The following B3GNT5 variants were observed in gnomAD, a reference collection of about 807,000 sequenced individuals.
The protein encoded by B3GNT5 is UDP-GlcNAc:betaGal beta-1,3-N-acetylglucosaminyltransferase 5.
Under a neutral mutation model 25.9 loss-of-function variants are expected in B3GNT5, and 11 were observed. The ratio of observed to expected loss-of-function variants is 0.42; its 90% CI spans 0.27 to 0.70. B3GNT5 has a LOEUF of 0.70. Ranked by LOEUF, B3GNT5 falls within the 30% of genes least tolerant of loss-of-function variation. The probability of loss-of-function intolerance (pLI) is 0.23; values close to 1 mark genes in which losing one functional copy is unlikely to be tolerated. For synonymous variants in B3GNT5, 166 were observed against 158.6 expected (o/e 1.05, Z -0.35); for missense variants, 385 against 458.4 (o/e 0.84, Z 1.46).
rs1726719806 is a variant in B3GNT5, at chr3:183,270,963, T to C, written c.*28T>C. ...GTACTTGAATGTTGTATGTTTTCAC[T>C]GTCACTGAGTCAAACCTGGATGAAA... is the stretch of plus-strand genomic sequence containing the variant. On this transcript the variant is annotated 3_prime_UTR_variant, in exon 2 of 2. Transcript: ENST00000326505. The surrounding 1 kb of genome is among the most constrained non-coding windows in gnomAD (Gnocchi z 4.5). 6.6e-7 allele frequency: 1 copy of C among 1,525,284 alleles called. No homozygotes were observed. The highest frequency in any genetic ancestry group is 8.8e-7 in the Non-Finnish European group (1 of 1,138,064). The allele number at this position is 1,525,284 out of a possible 1,614,324, so 94.5% of individuals were successfully genotyped here.
chr3:183,271,986 G>C lies in B3GNT5; in HGVS notation c.*1051G>C, dbSNP rs1360920530. ...CACAGCACTTTGTTCCAAGTTCAGA[G>C]TTTTAAATTGAGAGCATTAAACATC... On this transcript the variant is annotated 3_prime_UTR_variant, in exon 2 of 2. Transcript: ENST00000326505. 3.4e-6 allele frequency: 1 copy of C among 295,888 alleles called. No individual in the cohort carries two copies. Among genetic ancestry groups the C allele is most frequent in the Admixed American group, 6.5e-5 (1 of 15,398 alleles). 18.3% of individuals were successfully genotyped at this position (295,888 alleles called of 1,614,324 possible). A position where few individuals can be genotyped will look rare whatever the true frequency, so the allele number is the denominator to read the frequency against.
rs151026623 is a variant in B3GNT5, at chr3:183,270,644, C to T, written c.846C>T (p.Asp282=). The change falls in exon 2 of 2, where the codon GAC becomes GAT. Residue 282 remains aspartate (D), a synonymous_variant. Coordinates refer to ENST00000326505, the MANE Select transcript of B3GNT5 (RefSeq NM_032047.5). This position sits in a 1 kb window ranked among gnomAD's most constrained non-coding sequence, Gnocchi z 4.5. ...CACTAAATTCAAGTCTTTACATAGA[C>T]GATGTGTTCATGGGCCTCTGTGCCA... is the stretch of plus-strand genomic sequence containing the variant. ...SQTLNSSLYI[D]DVFMGLCANK... The T allele has an allele frequency of 5.5e-5, 89 of 1,613,948 alleles. 1 individual carries two copies. The highest frequency in any genetic ancestry group is 1.6e-4 in the Middle Eastern group (1 of 6,084).
In B3GNT5 at chr3:183,271,389, A is replaced by G. The variant is rs1408763647; in HGVS notation, c.*454A>G. The G allele has an allele frequency of 6.0e-6, 1 of 167,896 alleles. No individual in the cohort carries two copies. Among genetic ancestry groups the G allele is most frequent in the Non-Finnish European group, 1.5e-5 (1 of 68,764 alleles). The allele number at this position is 167,896 out of a possible 1,614,324, so 10.4% of individuals were successfully genotyped here. A position where few individuals can be genotyped will look rare whatever the true frequency, so the allele number is the denominator to read the frequency against. ...TTGGTGGAGGTAGTAGGGGCAGGGA[A>G]AGGTCAGCATAGGAGAGAAAGTTCA... On this transcript the variant is annotated 3_prime_UTR_variant, in exon 2 of 2. Transcript: ENST00000326505.
chr3:183,270,932 C>G lies in B3GNT5; in HGVS notation c.1134C>G (p.Ile378Met), dbSNP rs1389379472. The G allele has an allele frequency of 6.4e-6, 10 of 1,559,930 alleles. No individual in the cohort carries two copies. The South Asian group carries it at 1.2e-4, about 19-fold the overall frequency. Residue 378 changes from isoleucine (I) to methionine (M), a missense_variant, in exon 2 of 2, where the codon ATC (isoleucine) becomes ATG (methionine). By Grantham distance (10) the Ile-to-Met change is conservative. Coordinates refer to ENST00000326505, the MANE Select transcript of B3GNT5 (RefSeq NM_032047.5). The surrounding 1 kb of genome is among the most constrained non-coding windows in gnomAD (Gnocchi z 4.5). ...CATACCCTTGTAGGGCTGCGTTTAT[C>G]TAATAGTACTTGAATGTTGTATGTT... The part of the protein sequence containing the change: ...VDTYPCRAAF[I>M]
intron 1 of B3GNT5, among the ~76,000 whole-genome samples, chr3:183,258,040 T>C (rs1273761033): frequency 7.6e-6 from 1 of 132,048 alleles, no homozygotes; most frequent in African/African-American, 2.8e-5. Context: ...CCATCTCGGC[T>C]CACCGCAACC....
intron 1 of B3GNT5, among the ~76,000 whole-genome samples, chr3:183,261,676 G>T (rs1725599381): frequency 6.6e-6 from 1 of 151,894 alleles, no homozygotes; most frequent in Non-Finnish European, 1.5e-5. Flanking sequence ...TTCTATGTAG[G>T]TTTCACTACA....
In B3GNT5 at chr3:183,272,936, A is replaced by G. The variant is rs1726907115; in HGVS notation, c.*2001A>G. The G allele has an allele frequency of 7.1e-7, 1 of 1,402,898 alleles. No individual in the cohort carries two copies. The highest frequency in any genetic ancestry group is 9.3e-7 in the Non-Finnish European group (1 of 1,074,860). The allele number at this position is 1,402,898 out of a possible 1,614,324, so 86.9% of individuals were successfully genotyped here. On this transcript the variant is annotated 3_prime_UTR_variant, in exon 2 of 2. Transcript: ENST00000326505. ...AGCTCTTCTGAACTGTGTCCTTTTA[A>G]TTTTTGCTTAGAATAGAATGGAACA...
intron 1 of B3GNT5, chr3:183,253,730 A>G (rs1724730945): frequency 6.6e-6 from 1 of 152,338 alleles, no homozygotes; most frequent in African/African-American, 2.4e-5. Context: ...GTGTGGGAGG[A>G]ACCGCGGCGT....
chr3:183,262,275 C>T lies in B3GNT5; in HGVS notation c.-301-7223C>T, dbSNP rs1009321361. Reference sequence around the variant, plus strand: ...ATGATACTTTAGGTTGGTATACATACATATACTAAGAATGCAGACATGTCC... The same window carrying T: ...ATGATACTTTAGGTTGGTATACATATATATACTAAGAATGCAGACATGTCC... On this transcript the variant is annotated intron_variant, in intron 1 of 1. Coordinates refer to ENST00000326505, the MANE Select transcript of B3GNT5 (RefSeq NM_032047.5). 2.0e-5 allele frequency among the ~76,000 whole-genome samples: 3 copies of T among 150,918 alleles called. No individual in the cohort carries two copies. In the East Asian group the frequency reaches 5.9e-4, roughly 30 times the overall value.
At chr3:183,262,483 ATAT>A (rs1241194364) in intron 1 of B3GNT5, among the ~76,000 whole-genome samples, 2 of 152,118 alleles carry the variant, frequency 1.3e-5, no homozygotes, top group African/African-American at 4.8e-5. Context: ...TTGCATCAAA[ATAT>A]TATACTGACT....
chr3:183,272,950 TA>T lies in B3GNT5; in HGVS notation c.*2016del. The T allele has an allele frequency of 7.0e-7, 1 of 1,435,228 alleles. No individual in the cohort carries two copies. Among genetic ancestry groups the T allele is most frequent in the Middle Eastern group, 2.5e-4 (1 of 4,030 alleles). 88.9% of individuals were successfully genotyped at this position (1,435,228 alleles called of 1,614,324 possible). A position where few individuals can be genotyped will look rare whatever the true frequency, so the allele number is the denominator to read the frequency against. ...GTGTCCTTTTAATTTTTGCTTAGAA[TA>T]GAATGGAACAAGTTTAAATTTCAAG... On this transcript the variant is annotated 3_prime_UTR_variant, in exon 2 of 2. Transcript: ENST00000326505.
intron 1 of B3GNT5, among the ~76,000 whole-genome samples, chr3:183,264,808 A>C (rs1209580399): frequency 6.6e-6 from 1 of 152,230 alleles, no homozygotes; most frequent in Non-Finnish European, 1.5e-5. Context: ...TTTCCCAAAA[A>C]GTTTAAAGAG....
At chr3:183,264,113 A>G (rs1331536808) in intron 1 of B3GNT5, among the ~76,000 whole-genome samples, 1 of 152,064 alleles carries the variant, frequency 6.6e-6, no homozygotes, top group Non-Finnish European at 1.5e-5. Context: ...AAAACCAGAA[A>G]TTTCTATGAC....
At position 183,272,865 on chromosome 3, in the gene B3GNT5, T is replaced by C. The variant is rs2108451888; in HGVS notation, c.*1930T>C. ...GTGTCTCTGGCCATCAAAGTGATCTTGTTTACAGCAGTGCTTTTGTGAAAC... is the reference window on the plus strand; with the variant it reads ...GTGTCTCTGGCCATCAAAGTGATCTCGTTTACAGCAGTGCTTTTGTGAAAC... On this transcript the variant is annotated 3_prime_UTR_variant, in exon 2 of 2. Transcript: ENST00000326505. 2 of 1,275,144 alleles carry C rather than the reference T, an allele frequency of 1.6e-6. No homozygotes were observed. Among genetic ancestry groups the C allele is most frequent in the African/African-American group, 1.6e-5 (1 of 64,364 alleles). 79.0% of individuals were successfully genotyped at this position (1,275,144 alleles called of 1,614,324 possible).
In B3GNT5 at chr3:183,255,730, A is replaced by G. The variant is rs1398556856; in HGVS notation, c.-302+2258A>G. On this transcript the variant is annotated intron_variant, in intron 1 of 1. Coordinates refer to ENST00000326505, the MANE Select transcript of B3GNT5 (RefSeq NM_032047.5). ...AATAAAGTGCAGGCCCCATCAAGTAAAAAATGAAACATTGTATTTCATTAA... is the reference window on the plus strand; with the variant it reads ...AATAAAGTGCAGGCCCCATCAAGTAGAAAATGAAACATTGTATTTCATTAA... Among the ~76,000 whole-genome samples the G allele has an allele frequency of 2.6e-5, 4 of 152,204 alleles. No individual in the cohort carries two copies. The East Asian group carries it at 7.7e-4, about 29-fold the overall frequency.
At chr3:183,259,863 T>C (rs1287557756) in intron 1 of B3GNT5, among the ~76,000 whole-genome samples, 1 of 152,136 alleles carries the variant, frequency 6.6e-6, no homozygotes, top group Admixed American at 6.5e-5. Flanking sequence ...GAGGGAAAAC[T>C]GAAATGGAAG....
At chr3:183,254,394 G>C (rs892406056) in intron 1 of B3GNT5, among the ~76,000 whole-genome samples, 1 of 151,890 alleles carries the variant, frequency 6.6e-6, no homozygotes, top group Non-Finnish European at 1.5e-5. Context: ...CTGAAAGCGC[G>C]GCGGAGAAGG....
rs894344221 is a variant in B3GNT5 at position 183,272,892 on chromosome 3, A to T, written c.*1957A>T. ...TTTACAGCAGTGCTTTTGTGAAACA[A>T]TTATTTATTTGCTGAAAGAGCTCTT... On this transcript the variant is annotated 3_prime_UTR_variant, in exon 2 of 2. Coordinates refer to ENST00000326505, the MANE Select transcript of B3GNT5 (RefSeq NM_032047.5). The T allele has an allele frequency of 1.5e-6, 2 of 1,322,358 alleles. No homozygotes were observed. Among genetic ancestry groups the T allele is most frequent in the Admixed American group, 4.0e-5 (1 of 24,938 alleles). 81.9% of individuals were successfully genotyped at this position (1,322,358 alleles called of 1,614,324 possible).
intron 1 of B3GNT5, among the ~76,000 whole-genome samples, chr3:183,258,594 T>C (rs73184917): frequency 0.17 from 25,794 of 152,178 alleles, 2,781 homozygotes; most frequent in South Asian, 0.25. Context: ...TTGGGGTCCA[T>C]AGTTTGTTGT....
Sources: gnomAD v4.1 joint callset for allele counts (sites outside exome capture counted in the v4.1 genomes callset) on GRCh38, gnomAD v4.1.1 for gene constraint, Gnocchi (gnomAD v3.1) non-coding constraint, MANE v1.5 for transcripts, NCBI Gene and HGNC (gene_info 2026-07-23, HGNC 2026-07-21) for gene names.